Variants in METTL2B observed in about 807,000 individuals in gnomAD.
The protein encoded by METTL2B is methyltransferase 2B, tRNA N3-cytidine, also known as tRNA N(3)-cytidine methyltransferase METTL2B.
A neutral mutation model predicts 51.0 loss-of-function variants in METTL2B; 28 were observed. The observed-to-expected ratio is 0.55, with a 90% CI of 0.41 to 0.75. The LOEUF is 0.75. METTL2B is among the 30% of genes least tolerant of loss of function. METTL2B has a pLI of 0.00. For synonymous variants in METTL2B, 128 were observed against 166.3 expected (o/e 0.77, Z 1.77); for missense variants, 313 against 460.7 (o/e 0.68, Z 2.93).
At chr7:128,479,564 G>T in intron 3 of METTL2B, 51 bp downstream of exon 3, 1 of 1,573,688 alleles carries the variant, frequency 6.4e-7, no homozygotes, top group Non-Finnish European at 8.7e-7. Flanking sequence ...TTATATTTGT[G>T]CACATGAGGT....
At chr7:128,488,581 C>G (rs1169272326) in intron 5 of METTL2B, 3 of 438,028 alleles carry the variant, frequency 6.8e-6, no homozygotes, top group Non-Finnish European at 1.4e-5. Flanking sequence ...TTAATAAATG[C>G]ATGTGTTGTG....
intron 2 of METTL2B, among the ~76,000 whole-genome samples, chr7:128,477,735 C>A (rs1799820937): frequency 6.6e-6 from 1 of 151,440 alleles, no homozygotes; most frequent in South Asian, 2.1e-4. Flanking sequence ...GATTTCACTG[C>A]AAAATATCCC....
At chr7:128,486,483 C>T (rs1416800864) in intron 4 of METTL2B, among the ~76,000 whole-genome samples, 1 of 151,738 alleles carries the variant, frequency 6.6e-6, no homozygotes, top group Admixed American at 6.6e-5. Flanking sequence ...ACCTGTAGTC[C>T]CAGCTACTCA....
chr7:128,482,539 T>C (rs1799885273), intron 4 of METTL2B, among the ~76,000 whole-genome samples: 1 of 152,126 alleles, frequency 6.6e-6, no homozygotes, highest in African/African-American at 2.4e-5. Flanking sequence ...ACCATACCTG[T>C]TTTGTTTTGT....
chr7:128,487,080 G>A (rs549898648), intron 4 of METTL2B, among the ~76,000 whole-genome samples: 11 of 152,312 alleles, frequency 7.2e-5, no homozygotes, highest in South Asian at 2.1e-4. Context: ...CGTGTGAAAC[G>A]TATCTAATGG....
At chr7:128,494,938 G>T (rs553129503) in intron 6 of METTL2B, among the ~76,000 whole-genome samples, 1 of 143,298 alleles carries the variant, frequency 7.0e-6, no homozygotes, top group African/African-American at 2.6e-5. Flanking sequence ...TTTTGAAGAC[G>T]GAGTCTTGCT....
At chr7:128,499,517 C>G (rs1301858367) in intron 7 of METTL2B, among the ~76,000 whole-genome samples, 2 of 119,910 alleles carry the variant, frequency 1.7e-5, no homozygotes, top group Non-Finnish European at 3.5e-5. Context: ...TATTAACAGC[C>G]TTTTTTTTTT....
At chr7:128,485,784 T>G (rs879352873) in intron 4 of METTL2B, among the ~76,000 whole-genome samples, 2 of 152,240 alleles carry the variant, frequency 1.3e-5, no homozygotes, top group Non-Finnish European at 2.9e-5. Flanking sequence ...ACCACTGTAC[T>G]CCAGGTGACA....
intron 5 of METTL2B, among the ~76,000 whole-genome samples, chr7:128,493,434 A>C (rs529997874): frequency 6.6e-6 from 1 of 150,782 alleles, no homozygotes; most frequent in East Asian, 2.0e-4. Flanking sequence ...CTGCTCTCGA[A>C]CTCCTGATCT....
chr7:128,491,761 CAAA>C (rs57526525), intron 5 of METTL2B, among the ~76,000 whole-genome samples: 12 of 114,596 alleles, frequency 1.0e-4, no homozygotes, highest in Admixed American at 2.0e-4. Flanking sequence ...GACTCTGTCT[CAAA>C]AAAAAAAAAA....
intron 5 of METTL2B, among the ~76,000 whole-genome samples, chr7:128,489,902 A>T (rs1342112180): frequency 2.0e-5 from 3 of 152,052 alleles, no homozygotes; most frequent in African/African-American, 7.2e-5. Context: ...TGCTGGGATT[A>T]CAGGCGTGAG....
intron 4 of METTL2B, among the ~76,000 whole-genome samples, chr7:128,483,644 C>A: frequency 6.6e-6 from 1 of 152,136 alleles, no homozygotes; most frequent in Non-Finnish European, 1.5e-5. Context: ...CAGGTTCAAG[C>A]AATTATCCTG....
chr7:128,501,782 A>C lies in METTL2B; in HGVS notation c.1003A>C (p.Thr335Pro), dbSNP rs1242244191. 3 of 1,614,118 alleles carry C rather than the reference A, an allele frequency of 1.9e-6. No homozygotes were observed. The highest frequency in any genetic ancestry group is 2.2e-5 in the South Asian group (2 of 91,062). The change falls in exon 9 of 9, where the codon ACC (threonine) becomes CCC (proline). Residue 335 changes from threonine to proline, a missense_variant. Around this residue, in one of 4 missense-constraint regions of METTL2B, gnomAD observed 138 missense variants for 187.6 expected, o/e 0.74. Coordinates refer to ENST00000262432, the MANE Select transcript of METTL2B (RefSeq NM_018396.3). ...FTQEELDTLF[T>P]TAGLEKVQNL... is the part of the protein sequence containing the mutation. ...ACTAGAGGAACTGGACACGCTTTTC[A>C]CCACTGCTGGACTGGAAAAAGTTCA...
At chr7:128,484,651 G>A (rs1032915710) in intron 4 of METTL2B, among the ~76,000 whole-genome samples, 3 of 152,006 alleles carry the variant, frequency 2.0e-5, no homozygotes, top group African/African-American at 7.3e-5. Flanking sequence ...GGAGTGCAGT[G>A]GCACGATCTT....
chr7:128,484,217 C>CTTTTTTTTTTTTGTTTTGTTTTT (rs1428525341), intron 4 of METTL2B: 15 of 42,410 alleles, frequency 3.5e-4, no homozygotes, highest in African/African-American at 1.4e-3. Context: ...TGCCTAGATC[C>CTTTTTTTTTTTTGTTTTGTTTTT]TTTTTTTTTT....
chr7:128,502,851 T>TGA lies in METTL2B; in HGVS notation c.*935_*936insGA, dbSNP rs1218690431. ...AGGCAGAGGTTGCAGTGAGCTGAGA[T>TGA]TGCGCCACTGTACTCCAGCCTGGGC... On this transcript the variant is annotated 3_prime_UTR_variant, in exon 9 of 9. Transcript: ENST00000262432. The TGA allele has an allele frequency of 4.5e-5, 13 of 288,252 alleles. No individual in the cohort carries two copies. The highest frequency in any genetic ancestry group is 3.0e-4 in the African/African-American group (13 of 42,682). The allele number at this position is 288,252 out of a possible 1,614,324, so 17.9% of individuals were successfully genotyped here.
intron 6 of METTL2B, among the ~76,000 whole-genome samples, chr7:128,497,055 T>G (rs4413714): frequency 0.016 from 2,368 of 152,090 alleles, 31 homozygotes; most frequent in South Asian, 0.056. Flanking sequence ...CTGTTTTTTG[T>G]TTTTTTTAAG....
At chr7:128,501,600 C>T (rs1203145969) in intron 8 of METTL2B, 162 bp from the exon 9 acceptor site, 1 of 985,334 alleles carries the variant, frequency 1.0e-6, no homozygotes, top group Non-Finnish European at 1.2e-6. Context: ...CCTACCTAAA[C>T]ATGAACTTGT....
chr7:128,476,896 C>A (rs765114318), intron 1 of METTL2B, 21 bp downstream of exon 1: 2 of 1,613,406 alleles, frequency 1.2e-6, no homozygotes, highest in South Asian at 2.2e-5. Flanking sequence ...TGCCCCCTCG[C>A]CCGGCCTGTC....
Sources: allele counts gnomAD v4.1 joint callset (sites outside exome capture counted in the v4.1 genomes callset), GRCh38; gene constraint gnomAD v4.1.1; regional missense constraint gnomAD v4.1.1; transcripts MANE v1.5; gene names NCBI Gene and HGNC (gene_info 2026-07-23, HGNC 2026-07-21).